The following VEZF1 variants were observed in gnomAD, a reference collection of about 807,000 sequenced individuals.
VEZF1 encodes vascular endothelial zinc finger 1, also known as putative transcription factor DB1.
VEZF1 carries 5 observed loss-of-function variants against 44.1 expected under a neutral mutation model. That is an observed-to-expected ratio of 0.11 (90% CI 0.06 to 0.24). The LOEUF (loss-of-function observed/expected upper bound fraction) is 0.24. Among genes scored for constraint, VEZF1 ranks in the 10% least tolerant of loss-of-function variants. The pLI is 1.00. For missense variants in VEZF1, 358 were observed against 641.8 expected (o/e 0.56, Z 4.78); for synonymous variants, 236 against 233.1 (o/e 1.01, Z -0.11).
chr17:57,983,317 G>T lies in VEZF1; in HGVS notation c.110C>A (p.Pro37His). The T allele has an allele frequency of 6.2e-7, 1 of 1,614,116 alleles. No individual in the cohort carries two copies. The highest frequency in any genetic ancestry group is 1.1e-5 in the South Asian group (1 of 91,080). ...TGGAAGCAATGGTTTCTGATCAGGGGGCTCCACGGCAGAGCTCAGGAGGGG... is the reference window on the plus strand; with the variant it reads ...TGGAAGCAATGGTTTCTGATCAGGGTGCTCCACGGCAGAGCTCAGGAGGGG... ...LLPLLSSAVEPPDQKPLLPIP... is the reference protein window; with the variant it reads ...LLPLLSSAVEHPDQKPLLPIP... The change falls in exon 2 of 6, where the codon CCC (proline) becomes CAC (histidine). Residue 37 changes from proline to histidine, a missense_variant. Pro to His is a moderately conservative substitution (Grantham distance 77). Coordinates refer to ENST00000581208, the MANE Select transcript of VEZF1 (RefSeq NM_007146.3).
At chr17:57,977,854 A>AG (rs2075207412) in intron 5 of VEZF1, among the ~76,000 whole-genome samples, 1 of 86,328 alleles carries the variant, frequency 1.2e-5, no homozygotes, top group South Asian at 2.8e-4. Flanking sequence ...CAAAAAAAGA[A>AG]AAAAAAAAAA....
At chr17:57,975,653 T>C (rs1034096192) in intron 5 of VEZF1, among the ~76,000 whole-genome samples, 7 of 152,274 alleles carry the variant, frequency 4.6e-5, no homozygotes, top group African/African-American at 1.7e-4. Context: ...TTCTTGTTTC[T>C]GATGTTGACA....
chr17:57,974,860 TGTC>T lies in VEZF1; in HGVS notation c.1176_1178del (p.Thr393del). ...TGAATGGAGTAGTGAGAGTCACAGGTGTCGTAGCAGCCGTGGAGGTTTGGCACA... is the reference window on the plus strand; with the variant it reads ...TGAATGGAGTAGTGAGAGTCACAGGTGTAGCAGCCGTGGAGGTTTGGCACA... On this transcript the variant is annotated inframe_deletion, in exon 6 of 6. Transcript: ENST00000581208. 6.8e-6 allele frequency: 11 copies of T among 1,614,110 alleles called. No individual in the cohort carries two copies. Among genetic ancestry groups the T allele is most frequent in the Non-Finnish European group, 9.3e-6 (11 of 1,179,998 alleles).
At position 57,982,782 on chromosome 17, in the gene VEZF1, G is replaced by A; in HGVS notation, c.645C>T (p.Asp215=). Residue 215 remains aspartate (D), a synonymous_variant, in exon 2 of 6, where the codon GAC becomes GAT. Coordinates refer to ENST00000581208, the MANE Select transcript of VEZF1 (RefSeq NM_007146.3). The part of the protein sequence containing the change: ...PICNQRFKRK[D]RMTYHVRSHE... ...GAGACCTCACATGGTAAGTCATCCG[G>A]TCCTTCCTCTTGAAGCGCTGATTAC... 3 of 1,614,202 alleles carry A rather than the reference G, an allele frequency of 1.9e-6. No individual in the cohort carries two copies. The highest frequency in any genetic ancestry group is 2.2e-5 in the South Asian group (2 of 91,086).
At chr17:57,975,533 G>T (rs1204505902) in intron 5 of VEZF1, among the ~76,000 whole-genome samples, 1 of 152,192 alleles carries the variant, frequency 6.6e-6, no homozygotes, top group Non-Finnish European at 1.5e-5. Flanking sequence ...TTCAGTTTTA[G>T]AAATATGTTT....
chr17:57,987,878 C>G (rs2075314791), intron 1 of VEZF1, among the ~76,000 whole-genome samples: 1 of 151,816 alleles, frequency 6.6e-6, no homozygotes, highest in South Asian at 2.1e-4. Context: ...CCTGCTATCT[C>G]CCCCGCACCC....
chr17:57,987,038 G>T (rs2075300823), intron 1 of VEZF1, among the ~76,000 whole-genome samples: 1 of 152,204 alleles, frequency 6.6e-6, no homozygotes, highest in South Asian at 2.1e-4. Flanking sequence ...CTGCCAAACA[G>T]GGGTCCCCCA....
chr17:57,984,029 T>C (rs73319826), intron 1 of VEZF1, among the ~76,000 whole-genome samples: 3,285 of 152,294 alleles, frequency 0.022, 111 homozygotes, highest in African/African-American at 0.075. Context: ...AAGGCATCTG[T>C]GAAGGCAGCC....
In VEZF1 at chr17:57,973,519, T is replaced by C. The variant is rs1449572734; in HGVS notation, c.*954A>G. ...TAACACATCTGTCCCTGTTGTAATA[T>C]CAACAGGCTCTGATTGGGAGAGAGA... On this transcript the variant is annotated 3_prime_UTR_variant, in exon 6 of 6. Coordinates refer to ENST00000581208, the MANE Select transcript of VEZF1 (RefSeq NM_007146.3). 4 of 152,644 alleles carry C rather than the reference T, an allele frequency of 2.6e-5. No homozygotes were observed. The highest frequency in any genetic ancestry group is 9.6e-5 in the African/African-American group (4 of 41,458). 9.5% of individuals were successfully genotyped at this position (152,644 alleles called of 1,614,324 possible).
At chr17:57,983,539 C>A in intron 1 of VEZF1, 146 bp from the exon 2 acceptor site, 1 of 702,482 alleles carries the variant, frequency 1.4e-6, no homozygotes, top group African/African-American at 1.8e-5. Flanking sequence ...CACCTAGTTA[C>A]TCTAAGAGCT....
chr17:57,981,851 G>A, intron 3 of VEZF1, 22 bp downstream of exon 3: 1 of 1,608,718 alleles, frequency 6.2e-7, no homozygotes, highest in Admixed American at 1.7e-5. Context: ...CTACACTAAG[G>A]ATAAGTCATT....
intron 5 of VEZF1, among the ~76,000 whole-genome samples, chr17:57,977,580 C>A (rs2075204099): frequency 6.6e-6 from 1 of 152,318 alleles, no homozygotes; most frequent in East Asian, 1.9e-4. Context: ...CCCAGTAGCT[C>A]ACGCCTATAA....
At position 57,979,143 on chromosome 17, in the gene VEZF1, G is replaced by A. The variant is rs370333690; in HGVS notation, c.1138+9C>T. 43 of 1,611,376 alleles carry A rather than the reference G, an allele frequency of 2.7e-5. No homozygotes were observed. The African/African-American group carries it at 4.1e-4, about 16-fold the overall frequency. On this transcript the variant is annotated intron_variant, in intron 5 of 5. Transcript: ENST00000581208. ...AGCCATATTTTCAACACTGGAAGCT[G>A]TGCCTTACCTTTCTTCCTTGCTTTA... is the stretch of plus-strand genomic sequence containing the variant.
At chr17:57,978,844 AT>A (rs2075217611) in intron 5 of VEZF1, among the ~76,000 whole-genome samples, 1 of 152,348 alleles carries the variant, frequency 6.6e-6, no homozygotes, top group East Asian at 1.9e-4. Context: ...TTGACATCAA[AT>A]TGAATATAAA....
Position 57,983,199 on chromosome 17 carries a change from G to A in VEZF1, c.228C>T (p.Cys76=), listed in dbSNP as rs371155840. The A allele has an allele frequency of 6.2e-7, 1 of 1,613,886 alleles. No individual in the cohort carries two copies. The highest frequency in any genetic ancestry group is 1.3e-5 in the African/African-American group (1 of 74,896). Residue 76 remains cysteine (C), a synonymous_variant, in exon 2 of 6, where the codon TGC becomes TGT. Coordinates refer to ENST00000581208, the MANE Select transcript of VEZF1 (RefSeq NM_007146.3). ...CCCTGAAAGCTTTACTGCAGTAAGT[G>A]CACACAAATGAAGTTTTGGGTTTTT... ...KKEKPKTSFV[C]TYCSKAFRDS...
chr17:57,977,049 T>A (rs192675530), intron 5 of VEZF1, among the ~76,000 whole-genome samples: 1 of 152,268 alleles, frequency 6.6e-6, no homozygotes, highest in East Asian at 1.9e-4. Flanking sequence ...CACTATACAA[T>A]TATCACAGCA....
intron 5 of VEZF1, among the ~76,000 whole-genome samples, chr17:57,977,000 T>C (rs1178867246): frequency 6.6e-6 from 1 of 152,200 alleles, no homozygotes; most frequent in African/African-American, 2.4e-5. Flanking sequence ...TTTTTACTCC[T>C]TCTCTAAGTA....
At position 57,979,417 on chromosome 17, in the gene VEZF1, T is replaced by C. The variant is rs1598045914; in HGVS notation, c.977-104A>G. 1.1e-5 allele frequency: 16 copies of C among 1,517,804 alleles called. No homozygotes were observed. In the East Asian group the frequency reaches 3.4e-4, roughly 32 times the overall value. The allele number at this position is 1,517,804 out of a possible 1,614,324, so 94.0% of individuals were successfully genotyped here. A position where few individuals can be genotyped will look rare whatever the true frequency, so the allele number is the denominator to read the frequency against. ...CTTCTGTGATCTTAACCATTTAACC[T>C]GATAGCTCTTAGTAAGTGCATCTTT... On this transcript the variant is annotated intron_variant, in intron 4 of 5. Coordinates refer to ENST00000581208, the MANE Select transcript of VEZF1 (RefSeq NM_007146.3).
At chr17:57,987,898 GCCT>G (rs1235320437) in intron 1 of VEZF1, among the ~76,000 whole-genome samples, 178 bp downstream of exon 1, 8 of 151,928 alleles carry the variant, frequency 5.3e-5, no homozygotes, top group Admixed American at 6.5e-5. Context: ...CCGTGAGGCC[GCCT>G]CCTTTCACCT....
Sources: allele counts gnomAD v4.1 joint callset (sites outside exome capture counted in the v4.1 genomes callset), GRCh38; gene constraint gnomAD v4.1.1; transcripts MANE v1.5; gene names NCBI Gene and HGNC (gene_info 2026-07-23, HGNC 2026-07-21).